The following TFAP2B variants were observed in gnomAD, a reference collection of about 807,000 sequenced individuals.
The protein encoded by TFAP2B is transcription factor AP-2-beta.
In TFAP2B, 9 loss-of-function variants were observed where a neutral mutation model predicts 44.3. The ratio of observed to expected loss-of-function variants is 0.20; its 90% CI spans 0.12 to 0.35. The LOEUF is 0.35. Ranked by LOEUF, TFAP2B falls within the 10% of genes least tolerant of loss-of-function variation. The pLI is 1.00. For synonymous variants in TFAP2B, 270 were observed against 263.8 expected, an observed-to-expected ratio of 1.02 and a Z score of -0.23; for missense variants, 509 against 600.0, an observed-to-expected ratio of 0.85 and a Z score of 1.59.
Position 50,843,307 on chromosome 6 carries a change from T to C in TFAP2B, c.1298T>C (p.Leu433Ser). Reference protein sequence around the residue: ...EALKGMDKMFLNNTTTNRHTS... With the variant: ...EALKGMDKMFSNNTTTNRHTS... ...CTCAAAGGCATGGACAAGATGTTCTTGAACAACACCACCACTAACAGGCAC... is the reference window on the plus strand; with the variant it reads ...CTCAAAGGCATGGACAAGATGTTCTCGAACAACACCACCACTAACAGGCAC... Residue 433 changes from leucine to serine, a missense_variant, in exon 7 of 7, where the codon TTG becomes TCG. Leu to Ser is a moderately radical substitution (Grantham distance 145, BLOSUM62 -2). This residue lies in a region of TFAP2B where 168 missense variants were observed against 183.2 expected (regional missense o/e 0.92). Coordinates refer to ENST00000393655, the MANE Select transcript of TFAP2B (RefSeq NM_003221.4). 1 of 1,614,098 alleles carries C rather than the reference T, an allele frequency of 6.2e-7. No individual in the cohort carries two copies. The highest frequency in any genetic ancestry group is 2.2e-5 in the East Asian group (1 of 44,850).
intron 2 of TFAP2B, among the ~76,000 whole-genome samples, chr6:50,825,392 T>C (rs1220222780): frequency 6.6e-6 from 1 of 152,136 alleles, no homozygotes; most frequent in African/African-American, 2.4e-5. Flanking sequence ...ATAATGAAAG[T>C]GGATCAACTC....
chr6:50,837,838 C>A, intron 4 of TFAP2B, 137 bp from the exon 5 acceptor site: 1 of 782,532 alleles, frequency 1.3e-6, no homozygotes, highest in Non-Finnish European at 2.3e-6. Flanking sequence ...CAGCAAATAA[C>A]CAAAAGGAAG....
chr6:50,830,011 G>C (rs1224150824), intron 3 of TFAP2B, among the ~76,000 whole-genome samples: 1 of 151,724 alleles, frequency 6.6e-6, no homozygotes, highest in Non-Finnish European at 1.5e-5. Context: ...CCAGCTTTTG[G>C]GTTTGCTAGG....
At chr6:50,837,477 T>C (rs1351425964) in intron 4 of TFAP2B, among the ~76,000 whole-genome samples, 1 of 152,196 alleles carries the variant, frequency 6.6e-6, no homozygotes, top group Non-Finnish European at 1.5e-5. Flanking sequence ...ACCATTTCGA[T>C]TTCAGTCTGC....
chr6:50,837,385 A>G (rs1004041136), intron 4 of TFAP2B, among the ~76,000 whole-genome samples: 5 of 152,188 alleles, frequency 3.3e-5, no homozygotes, highest in Non-Finnish European at 7.3e-5. Context: ...ATTTGCAGAG[A>G]TGAAGTAAAA....
chr6:50,847,551 GA>G lies in TFAP2B; in HGVS notation c.*4162del, dbSNP rs1296268034. 2 of 152,630 alleles carry G rather than the reference GA, an allele frequency of 1.3e-5. No individual in the cohort carries two copies. Among genetic ancestry groups the G allele is most frequent in the Non-Finnish European group, 2.9e-5 (2 of 68,022 alleles). 9.5% of individuals were successfully genotyped at this position (152,630 alleles called of 1,614,324 possible). On this transcript the variant is annotated 3_prime_UTR_variant, in exon 7 of 7. Coordinates refer to ENST00000393655, the MANE Select transcript of TFAP2B (RefSeq NM_003221.4). ...AAACAAGCTGTTATGGTAATGGGTA[GA>G]AATTGGTTTATTGTCCAGTGTTAAT...
At chr6:50,838,710 C>T (rs1225961498) in intron 5 of TFAP2B, among the ~76,000 whole-genome samples, 1 of 152,008 alleles carries the variant, frequency 6.6e-6, no homozygotes, top group Non-Finnish European at 1.5e-5. Context: ...GCAATAAGCA[C>T]CTTATAATTT....
intron 6 of TFAP2B, among the ~76,000 whole-genome samples, chr6:50,840,765 T>C (rs1241119968): frequency 6.6e-6 from 1 of 152,254 alleles, no homozygotes; most frequent in Non-Finnish European, 1.5e-5. Context: ...CACAGACTTG[T>C]AAAATTTACT....
At chr6:50,821,098 C>G (rs1018744178) in intron 1 of TFAP2B, among the ~76,000 whole-genome samples, 2 of 152,278 alleles carry the variant, frequency 1.3e-5, no homozygotes, top group Non-Finnish European at 2.9e-5. Context: ...GCAGTCAGGC[C>G]AGTTGAACGG....
intron 1 of TFAP2B, among the ~76,000 whole-genome samples, chr6:50,820,640 T>C (rs1770317015): frequency 6.6e-6 from 1 of 152,248 alleles, no homozygotes; most frequent in Non-Finnish European, 1.5e-5. Flanking sequence ...TCCTTTTCTT[T>C]CCTTAACAGG....
rs1762618001 is a variant in TFAP2B, at chr6:50,836,143, G to A, written c.684G>A (p.Glu228=). 5.6e-6 allele frequency: 9 copies of A among 1,614,142 alleles called. No homozygotes were observed. Among genetic ancestry groups the A allele is most frequent in the Non-Finnish European group, 7.6e-6 (9 of 1,180,032 alleles). ...FLGGMSVNTG[E]VFCSVPGRLS... ...GAGGCATGTCTGTCAACACCGGCGA[G>A]GTGTTTTGCTCCGTCCCAGGCCGTT... The change falls in exon 4 of 7, where the codon GAG becomes GAA. Residue 228 remains glutamate (E), a synonymous_variant. Coordinates refer to ENST00000393655, the MANE Select transcript of TFAP2B (RefSeq NM_003221.4).
At position 50,823,397 on chromosome 6, in the gene TFAP2B, C is replaced by G. The variant is rs765959303; in HGVS notation, c.82-10C>G. 43 of 1,575,604 alleles carry G rather than the reference C, an allele frequency of 2.7e-5. No homozygotes were observed. The highest frequency in any genetic ancestry group is 3.5e-5 in the Non-Finnish European group (41 of 1,160,882). ...TCTGGCTCTCTTCCCCTTCCTCTCT[C>G]CGCTCCCAGGACCGGCACGATGGTG... is the stretch of plus-strand genomic sequence containing the variant. On this transcript the variant is annotated splice_polypyrimidine_tract_variant and intron_variant, in intron 1 of 6. Transcript: ENST00000393655.
chr6:50,840,475 T>A (rs900971350), intron 6 of TFAP2B, among the ~76,000 whole-genome samples, 178 bp downstream of exon 6: 5 of 152,186 alleles, frequency 3.3e-5, no homozygotes, highest in South Asian at 2.1e-4. Context: ...GTCTCAGGTG[T>A]CCTCTCTGGG....
At position 50,823,719 on chromosome 6, in the gene TFAP2B, C is replaced by T. The variant is rs150680831; in HGVS notation, c.394C>T (p.Leu132Phe). Residue 132 changes from leucine to phenylalanine, a missense_variant, in exon 2 of 7, where the codon CTC becomes TTC. By Grantham distance (22) the Leu-to-Phe change is conservative. This residue lies in a region of TFAP2B where 296 missense variants were observed against 308.2 expected (regional missense o/e 0.96). Coordinates refer to ENST00000393655, the MANE Select transcript of TFAP2B (RefSeq NM_003221.4). The stretch of plus-strand genomic sequence containing the variant: ...CCAGCCTCGGGCCGCCTTGCCCCAG[C>T]TCTCGGGCCTTGACCCCCGGAGGGA... Reference protein sequence around the residue: ...LPQPRAALPQLSGLDPRRDYH... With the variant: ...LPQPRAALPQFSGLDPRRDYH... 3 of 1,612,738 alleles carry T rather than the reference C, an allele frequency of 1.9e-6. No homozygotes were observed. The highest frequency in any genetic ancestry group is 2.5e-6 in the Non-Finnish European group (3 of 1,179,432).
intron 4 of TFAP2B, among the ~76,000 whole-genome samples, chr6:50,836,997 G>A (rs965291974): frequency 2.0e-5 from 3 of 152,218 alleles, no homozygotes; most frequent in African/African-American, 7.2e-5. Flanking sequence ...ATCTTAAGAT[G>A]TAATGCCTCC....
At chr6:50,828,142 T>A (rs955816371) in intron 2 of TFAP2B, among the ~76,000 whole-genome samples, 2 of 152,244 alleles carry the variant, frequency 1.3e-5, no homozygotes, top group Non-Finnish European at 2.9e-5. Context: ...TATGTGTTGC[T>A]GTTTGCATTC....
At position 50,823,588 on chromosome 6, in the gene TFAP2B, A is replaced by T. The variant is rs771759099; in HGVS notation, c.263A>T (p.His88Leu). ...PYHQSQDPYS[H>L]VNDPYSLNPL... ...CACCAGAGCCAGGACCCCTACTCCC[A>T]CGTCAACGACCCCTACTCCCTGAAC... is the stretch of plus-strand genomic sequence containing the variant. The change falls in exon 2 of 7, where the codon CAC becomes CTC. Residue 88 changes from histidine to leucine, a missense_variant. By Grantham distance (99) the His-to-Leu change is moderately conservative (BLOSUM62 -3). Transcript: ENST00000393655. 6.2e-6 allele frequency: 10 copies of T among 1,609,884 alleles called. No individual in the cohort carries two copies. The South Asian group carries it at 9.9e-5, about 16-fold the overall frequency.
At chr6:50,824,903 C>T (rs996389174) in intron 2 of TFAP2B, among the ~76,000 whole-genome samples, 1 of 152,192 alleles carries the variant, frequency 6.6e-6, no homozygotes, top group East Asian at 1.9e-4. Flanking sequence ...ATATAGTTTA[C>T]AGGTATGTAA....
chr6:50,840,237 A>C lies in TFAP2B; in HGVS notation c.1022A>C (p.Asn341Thr). 1 of 1,614,064 alleles carries C rather than the reference A, an allele frequency of 6.2e-7. No individual in the cohort carries two copies. The highest frequency in any genetic ancestry group is 8.5e-7 in the Non-Finnish European group (1 of 1,180,028). ...FPAKAVSEYLNRQHTDPSDLH... is the reference protein window; with the variant it reads ...FPAKAVSEYLTRQHTDPSDLH... The stretch of plus-strand genomic sequence containing the variant: ...GCCAAAGCCGTCTCTGAGTATTTGA[A>C]CCGGCAGCACACAGACCCGAGTGAC... Residue 341 changes from asparagine (N) to threonine (T), a missense_variant, in exon 6 of 7, where the codon AAC (asparagine) becomes ACC (threonine). Asn to Thr is a moderately conservative substitution (Grantham distance 65, BLOSUM62 0). Around this residue, in one of 3 missense-constraint regions of TFAP2B, gnomAD observed 168 missense variants for 183.2 expected, o/e 0.92. Transcript: ENST00000393655.
Sources: gnomAD v4.1 joint callset for allele counts (sites outside exome capture counted in the v4.1 genomes callset) on GRCh38, gnomAD v4.1.1 for gene constraint, gnomAD v4.1.1 regional missense constraint, MANE v1.5 for transcripts, NCBI Gene and HGNC (gene_info 2026-07-23, HGNC 2026-07-21) for gene names.